Variants in CTNNA3 observed in about 807,000 individuals in gnomAD.
CTNNA3 encodes the protein catenin alpha 3, also known as catenin alpha-3.
A neutral mutation model predicts 95.7 loss-of-function variants in CTNNA3; 76 were observed. The ratio of observed to expected loss-of-function variants is 0.79; its 90% CI spans 0.66 to 0.96. CTNNA3 has a LOEUF of 0.96. Ranked by LOEUF, CTNNA3 falls within the 40% of genes least tolerant of loss-of-function variation. CTNNA3 has a pLI of 0.00. For missense variants in CTNNA3, 1,191 were observed against 1,089.8 expected (o/e 1.09, Z -1.31); for synonymous variants, 431 against 374.4 (o/e 1.15, Z -1.74).
chr10:66,021,931 G>A (rs910068388), intron 15 of CTNNA3, among the ~76,000 whole-genome samples: 9 of 137,690 alleles, frequency 6.5e-5, no homozygotes, highest in Non-Finnish European at 1.4e-4. Context: ...GCAGCTCATT[G>A]TAGCCTTGAC....
At chr10:67,025,552 T>C (rs939878683) in intron 7 of CTNNA3, among the ~76,000 whole-genome samples, 1 of 152,198 alleles carries the variant, frequency 6.6e-6, no homozygotes, top group South Asian at 2.1e-4. Context: ...TTTTGCATCT[T>C]GTTATTTGCA....
At chr10:67,098,566 T>A (rs1298399494) in intron 7 of CTNNA3, 4 of 152,292 alleles carry the variant, frequency 2.6e-5, no homozygotes, top group Admixed American at 2.0e-4. Context: ...AAGAGGGATA[T>A]TTTAACATAT....
chr10:66,514,982 G>T (rs1488028242), intron 11 of CTNNA3, among the ~76,000 whole-genome samples: 1 of 151,942 alleles, frequency 6.6e-6, no homozygotes, highest in Non-Finnish European at 1.5e-5. Flanking sequence ...ATAAACAGAA[G>T]ACATTTGTCA....
intron 9 of CTNNA3, among the ~76,000 whole-genome samples, chr10:66,711,408 C>T (rs1407177222): frequency 3.3e-5 from 5 of 151,922 alleles, no homozygotes; most frequent in African/African-American, 1.2e-4. Context: ...TACTTGAACT[C>T]TCTAATAATG....
chr10:67,224,960 C>A (rs767496890), intron 5 of CTNNA3, among the ~76,000 whole-genome samples: 1 of 152,164 alleles, frequency 6.6e-6, no homozygotes, highest in Non-Finnish European at 1.5e-5. Context: ...TTGAAGGTGG[C>A]AGGCAGGTAG....
intron 4 of CTNNA3, among the ~76,000 whole-genome samples, chr10:67,532,168 T>A (rs1840348223): frequency 6.6e-6 from 1 of 152,206 alleles, no homozygotes; most frequent in Non-Finnish European, 1.5e-5. Context: ...GACTTGCTCT[T>A]TTTCTTTACA....
chr10:67,128,610 T>C (rs993813341), intron 7 of CTNNA3, among the ~76,000 whole-genome samples: 1 of 152,146 alleles, frequency 6.6e-6, no homozygotes, highest in Non-Finnish European at 1.5e-5. Flanking sequence ...TGACAAGATT[T>C]TAAAACAATC....
chr10:67,726,446 A>AT (rs1483078483), intron 1 of CTNNA3, among the ~76,000 whole-genome samples: 22 of 18,048 alleles, frequency 1.2e-3, no homozygotes, highest in East Asian at 4.7e-3. Flanking sequence ...TATAATATAT[A>AT]ATATTATATA....
intron 5 of CTNNA3, among the ~76,000 whole-genome samples, chr10:67,235,688 T>C (rs2132315041): frequency 7.0e-6 from 1 of 142,550 alleles, no homozygotes; most frequent in Admixed American, 6.9e-5. Flanking sequence ...CTAAAGAGCT[T>C]CTGCACAGCA....
chr10:67,030,648 CCATT>C (rs1262364364), intron 7 of CTNNA3, among the ~76,000 whole-genome samples: 1 of 152,020 alleles, frequency 6.6e-6, no homozygotes, highest in Non-Finnish European at 1.5e-5. Context: ...TTGTTTATCA[CCATT>C]ATTATTTCTC....
At chr10:66,782,370 C>T (rs1478671704) in intron 7 of CTNNA3, among the ~76,000 whole-genome samples, 1 of 152,032 alleles carries the variant, frequency 6.6e-6, no homozygotes, top group Non-Finnish European at 1.5e-5. Context: ...TTTCAAACAC[C>T]AGCCTTGTCC....
intron 1 of CTNNA3, among the ~76,000 whole-genome samples, chr10:67,675,206 T>G (rs570857778): frequency 1.6e-4 from 24 of 152,270 alleles, no homozygotes; most frequent in Admixed American, 1.5e-3. Context: ...TTTGGAGTTT[T>G]TAATAAAATC....
At chr10:66,663,818 C>A (rs1846346162) in intron 9 of CTNNA3, among the ~76,000 whole-genome samples, 2 of 152,084 alleles carry the variant, frequency 1.3e-5, no homozygotes, top group African/African-American at 4.8e-5. Flanking sequence ...AATGCAGAAA[C>A]TTCTGCATAC....
At chr10:66,147,087 A>G (rs1325846534) in intron 13 of CTNNA3, among the ~76,000 whole-genome samples, 1 of 152,040 alleles carries the variant, frequency 6.6e-6, no homozygotes, top group Non-Finnish European at 1.5e-5. Flanking sequence ...AATTATTATT[A>G]TATTTATATC....
chr10:67,337,910 T>C (rs1842053344), intron 5 of CTNNA3, among the ~76,000 whole-genome samples: 3 of 152,260 alleles, frequency 2.0e-5, no homozygotes, highest in Non-Finnish European at 4.4e-5. Context: ...AACTTTTATA[T>C]GCACTGGGAA....
intron 9 of CTNNA3, among the ~76,000 whole-genome samples, chr10:66,720,236 C>A (rs1211030129): frequency 6.6e-6 from 1 of 152,026 alleles, no homozygotes; most frequent in Non-Finnish European, 1.5e-5. Flanking sequence ...AATAGAAGGG[C>A]TATTTGAAGG....
chr10:66,553,267 T>C (rs1842277918), intron 10 of CTNNA3, among the ~76,000 whole-genome samples: 1 of 152,058 alleles, frequency 6.6e-6, no homozygotes, highest in Non-Finnish European at 1.5e-5. Context: ...AATACATTTA[T>C]ATTTGGTGGA....
intron 5 of CTNNA3, among the ~76,000 whole-genome samples, chr10:67,465,053 T>C (rs1056581669): frequency 1.3e-5 from 2 of 149,448 alleles, no homozygotes; most frequent in African/African-American, 2.4e-5. Context: ...GAATTAGCGT[T>C]GCTTCTGTCA....
chr10:65,951,839 C>T (rs1294269242), intron 17 of CTNNA3, among the ~76,000 whole-genome samples: 1 of 152,096 alleles, frequency 6.6e-6, no homozygotes, highest in African/African-American at 2.4e-5. Flanking sequence ...ACCATCCTGG[C>T]TAACACGGTG....
Sources: gnomAD v4.1 joint callset for allele counts (sites outside exome capture counted in the v4.1 genomes callset) on GRCh38, gnomAD v4.1.1 for gene constraint, MANE v1.5 for transcripts, NCBI Gene and HGNC (gene_info 2026-07-23, HGNC 2026-07-21) for gene names.